CTSA: variants seen among roughly 807,000 people sequenced by gnomAD.
CTSA encodes the protein lysosomal protective protein.
CTSA carries 42 observed loss-of-function variants against 66.7 expected under a neutral mutation model. The ratio of observed to expected loss-of-function variants is 0.63; its 90% confidence interval spans 0.49 to 0.81. The LOEUF is 0.81. Ranked by LOEUF, CTSA falls within the 40% of genes least tolerant of loss-of-function variation. The probability of loss-of-function intolerance (pLI) is 0.00; values close to 1 mark genes in which losing one functional copy is unlikely to be tolerated. For synonymous variants in CTSA, 225 were observed against 248.6 expected, an observed-to-expected ratio of 0.91 and a Z score of 0.89; for missense variants, 525 against 610.9, an observed-to-expected ratio of 0.86 and a Z score of 1.48.
intron 6 of CTSA, 54 bp from the exon 7 acceptor site, chr20:45,893,166 G>A: frequency 6.8e-7 from 1 of 1,468,534 alleles, no homozygotes; most frequent in Admixed American, 1.7e-5. Flanking sequence ...TAGGGTGAGG[G>A]AGGCTCTTCC....
chr20:45,895,071 C>T lies in CTSA; in HGVS notation c.1026C>T (p.Asn342=). 6.2e-7 allele frequency: 1 copy of T among 1,614,180 alleles called. No homozygotes were observed. Among genetic ancestry groups the T allele is most frequent in the South Asian group, 1.1e-5 (1 of 91,086 alleles). ...TNTTAASTYL[N]NPYVRKALNI... ...CAACAGCTGCTTCCACCTACCTCAA[C>T]AACCCGTACGTGCGGAAGGCCCTCA... Residue 342 remains asparagine (N), a synonymous_variant, in exon 11 of 15, where the codon AAC becomes AAT. Coordinates refer to ENST00000646241, the MANE Select transcript of CTSA (RefSeq NM_000308.4).
At chr20:45,892,581 G>C in intron 5 of CTSA, 97 bp downstream of exon 5, 1 of 1,509,082 alleles carries the variant, frequency 6.6e-7, no homozygotes. Flanking sequence ...TCTACTTTTC[G>C]CTCTGTCATA....
intron 12 of CTSA, 125 bp from the exon 13 acceptor site, chr20:45,897,592 A>T: frequency 2.8e-6 from 2 of 722,416 alleles, no homozygotes; most frequent in Non-Finnish European, 5.1e-6. Flanking sequence ...GAAAACATGA[A>T]AATTCCCTGG....
Position 45,898,227 on chromosome 20 carries a change from T to G in CTSA, c.1359+118T>G. The G allele has an allele frequency of 1.1e-5, 15 of 1,347,052 alleles. No homozygotes were observed. The highest frequency in any genetic ancestry group is 1.6e-5 in the Non-Finnish European group (15 of 955,990). 83.4% of individuals were successfully genotyped at this position (1,347,052 alleles called of 1,614,324 possible). A position where few individuals can be genotyped will look rare whatever the true frequency, so the allele number is the denominator to read the frequency against. ...CATGGGTCACCATCTGGCCCCTGTA[T>G]GGGCAAGTTTTTTTGGAGAGGGGTG... is the stretch of plus-strand genomic sequence containing the variant. On this transcript the variant is annotated intron_variant, in intron 14 of 14. Coordinates refer to ENST00000646241, the MANE Select transcript of CTSA (RefSeq NM_000308.4). The surrounding 1 kb of genome is among the most constrained non-coding windows in gnomAD (Gnocchi z 4.6).
In CTSA at chr20:45,894,845, G is replaced by A; in HGVS notation, c.892G>A (p.Val298Ile). 2 of 1,614,110 alleles carry A rather than the reference G, an allele frequency of 1.2e-6. No homozygotes were observed. Among genetic ancestry groups the A allele is most frequent in the Non-Finnish European group, 1.7e-6 (2 of 1,180,036 alleles). ...CAGGTATGAGAAGGACACTGTTGTG[G>A]TCCAGGATTTGGGCAACATCTTCAC... is the stretch of plus-strand genomic sequence containing the variant. Reference protein sequence around the residue: ...HFRYEKDTVVVQDLGNIFTRL... With the variant: ...HFRYEKDTVVIQDLGNIFTRL... Residue 298 changes from valine to isoleucine, a missense_variant, in exon 10 of 15, where the codon GTC (valine) becomes ATC (isoleucine). Coordinates refer to ENST00000646241, the MANE Select transcript of CTSA (RefSeq NM_000308.4).
rs376726324 is a variant in CTSA at position 45,894,917 on chromosome 20, G to A, written c.948+16G>A. The A allele has an allele frequency of 1.2e-6, 2 of 1,613,984 alleles. No homozygotes were observed. The highest frequency in any genetic ancestry group is 2.7e-5 in the African/African-American group (2 of 74,914). ...GTGGCATCAGGTGTGCGAGGGCGTG[G>A]GCTTCCTCCTGGTGAGGTGGGGGCA... On this transcript the variant is annotated intron_variant, in intron 10 of 14. Transcript: ENST00000646241.
intron 12 of CTSA, 72 bp downstream of exon 12, chr20:45,897,112 C>G: frequency 8.4e-7 from 1 of 1,187,030 alleles, no homozygotes; most frequent in Non-Finnish European, 1.3e-6. Flanking sequence ...GCTGGGGGCC[C>G]TTGAGACTTC....
chr20:45,891,831 G>A lies in CTSA; in HGVS notation c.194+69G>A. On this transcript the variant is annotated intron_variant, in intron 2 of 14. Transcript: ENST00000646241. This position sits in a 1 kb window ranked among gnomAD's most constrained non-coding sequence, Gnocchi z 4.6. ...CGGATGAGGGATGGGGGGTAGTTCT[G>A]CAGACCCCTGAGGATGCCTGGGAGC... The A allele has an allele frequency of 6.2e-7, 1 of 1,610,232 alleles. No homozygotes were observed. The highest frequency in any genetic ancestry group is 2.2e-5 in the East Asian group (1 of 44,860).
chr20:45,891,834 G>C lies in CTSA; in HGVS notation c.194+72G>C. 2 of 1,609,284 alleles carry C rather than the reference G, an allele frequency of 1.2e-6. No individual in the cohort carries two copies. The highest frequency in any genetic ancestry group is 2.2e-5 in the South Asian group (2 of 90,986). ...ATGAGGGATGGGGGGTAGTTCTGCA[G>C]ACCCCTGAGGATGCCTGGGAGCCGG... On this transcript the variant is annotated intron_variant, in intron 2 of 14. Coordinates refer to ENST00000646241, the MANE Select transcript of CTSA (RefSeq NM_000308.4). The surrounding 1 kb of genome is among the most constrained non-coding windows in gnomAD (Gnocchi z 4.6).
rs745547045 is a variant in CTSA, at chr20:45,897,028, G to T, written c.1152G>T (p.Leu384=). The stretch of plus-strand genomic sequence containing the variant: ...GCATGAACTCCCAGTATCTGAAGCT[G>T]CTTAGCTCACAGGTGAGTGGGGAGA... The part of the protein sequence containing the change: ...YRSMNSQYLK[L]LSSQKYQILL... Residue 384 remains leucine (L), a synonymous_variant, in exon 12 of 15, where the codon CTG becomes CTT. Transcript: ENST00000646241. The T allele has an allele frequency of 1.7e-5, 28 of 1,613,372 alleles. No homozygotes were observed. In the Admixed American group the frequency reaches 4.5e-4, roughly 26 times the overall value.
rs573098675 is a variant in CTSA, at chr20:45,898,350, C to A, written c.1360-17C>A. 1 of 1,608,772 alleles carries A rather than the reference C, an allele frequency of 6.2e-7. No individual in the cohort carries two copies. The highest frequency in any genetic ancestry group is 1.1e-5 in the South Asian group (1 of 90,866). On this transcript the variant is annotated splice_polypyrimidine_tract_variant and intron_variant, in intron 14 of 14. Coordinates refer to ENST00000646241, the MANE Select transcript of CTSA (RefSeq NM_000308.4). The surrounding 1 kb of genome is among the most constrained non-coding windows in gnomAD (Gnocchi z 4.6). ...AGGGAATGGTGGGGTCAGGAGCTCA[C>A]GAACATTGCTCCTCAGGGCGCCGGC...
intron 12 of CTSA, 153 bp from the exon 13 acceptor site, chr20:45,897,564 A>C (rs760895844): frequency 5.3e-5 from 36 of 674,168 alleles, no homozygotes; most frequent in Non-Finnish European, 8.4e-5. Flanking sequence ...AGAATACTGG[A>C]CATGCAGTAA....
Position 45,892,754 on chromosome 20 carries a change from A to G in CTSA, c.474A>G (p.Gln158=), listed in dbSNP as rs142034414. The G allele has an allele frequency of 1.1e-5, 17 of 1,614,032 alleles. No homozygotes were observed. In the African/African-American group the frequency reaches 1.7e-4, roughly 16 times the overall value. Residue 158 remains glutamine, a synonymous_variant, in exon 6 of 15, where the codon CAA becomes CAG. Transcript: ENST00000646241. ...EVAQSNFEAL[Q]DFFRLFPEYK... is the part of the protein sequence containing the mutation. ...CCCAGAGCAATTTTGAGGCCCTTCA[A>G]GATTTCTTCCGCCTCTTTCCGGAGT...
chr20:45,892,143 T>C, intron 3 of CTSA, 116 bp downstream of exon 3: 1 of 1,422,186 alleles, frequency 7.0e-7, no homozygotes, highest in South Asian at 1.1e-5. Context: ...GGGATTTTCC[T>C]CTATGCCATT....
intron 12 of CTSA, 198 bp downstream of exon 12, chr20:45,897,238 C>A: frequency 1.6e-6 from 1 of 630,062 alleles, no homozygotes; most frequent in Non-Finnish European, 2.8e-6. Flanking sequence ...CTATAGGAGG[C>A]CTAGGGGTCT....
In CTSA at chr20:45,891,828, T is replaced by G; in HGVS notation, c.194+66T>G. ...TGACGGATGAGGGATGGGGGGTAGTTCTGCAGACCCCTGAGGATGCCTGGG... is the reference window on the plus strand; with the variant it reads ...TGACGGATGAGGGATGGGGGGTAGTGCTGCAGACCCCTGAGGATGCCTGGG... On this transcript the variant is annotated intron_variant, in intron 2 of 14. Coordinates refer to ENST00000646241, the MANE Select transcript of CTSA (RefSeq NM_000308.4). The surrounding 1 kb of genome is among the most constrained non-coding windows in gnomAD (Gnocchi z 4.6). The G allele has an allele frequency of 6.2e-7, 1 of 1,610,374 alleles. No homozygotes were observed. Among genetic ancestry groups the G allele is most frequent in the African/African-American group, 1.3e-5 (1 of 74,956 alleles).
In CTSA at chr20:45,892,789, A is replaced by G. The variant is rs753754894; in HGVS notation, c.509A>G (p.Asn170Ser). 6.2e-7 allele frequency: 1 copy of G among 1,614,206 alleles called. No homozygotes were observed. The highest frequency in any genetic ancestry group is 1.1e-5 in the South Asian group (1 of 91,082). ...CGCCTCTTTCCGGAGTACAAGAACA[A>G]CAAACTTTTCCTGACCGGGGAGAGC... ...FFRLFPEYKN[N>S]KLFLTGESYA... Residue 170 changes from asparagine to serine, a missense_variant, in exon 6 of 15, where the codon AAC (asparagine) becomes AGC (serine). Asn to Ser is a conservative substitution (Grantham distance 46, BLOSUM62 1). Transcript: ENST00000646241.
chr20:45,892,920 G>T (rs765155512), intron 6 of CTSA, 40 bp downstream of exon 6: 1 of 1,610,968 alleles, frequency 6.2e-7, no homozygotes, highest in African/African-American at 1.3e-5. Flanking sequence ...GTAGCTTGAG[G>T]CTGTGGCCTT....
rs781639249 is a variant in CTSA at position 45,892,007 on chromosome 20, A to G, written c.286A>G (p.Thr96Ala). The G allele has an allele frequency of 5.0e-6, 8 of 1,614,022 alleles. No individual in the cohort carries two copies. Among genetic ancestry groups the G allele is most frequent in the Non-Finnish European group, 6.8e-6 (8 of 1,179,908 alleles). ...CTGCAGCTCACTAGATGGGCTCCTC[A>G]CAGAGCATGGCCCCTTCCTGGTGAG... ...PGCSSLDGLLTEHGPFLVQPD... is the reference protein window; with the variant it reads ...PGCSSLDGLLAEHGPFLVQPD... The change falls in exon 3 of 15, where the codon ACA becomes GCA. Residue 96 changes from threonine to alanine, a missense_variant. Transcript: ENST00000646241.
Sources: gnomAD v4.1 joint callset for allele counts on GRCh38, gnomAD v4.1.1 for gene constraint, Gnocchi (gnomAD v3.1) non-coding constraint, MANE v1.5 for transcripts, NCBI Gene and HGNC (gene_info 2026-07-23, HGNC 2026-07-21) for gene names.